Variants in DEPTOR observed in about 807,000 individuals in gnomAD.
DEPTOR encodes the protein DEP domain containing MTOR interacting protein, also known as DEP domain-containing mTOR-interacting protein.
Under a neutral mutation model 41.6 loss-of-function variants are expected in DEPTOR, and 41 were observed. That is an observed-to-expected ratio of 0.98 (90% CI 0.77 to 1.28). The LOEUF is 1.28. Among genes scored for constraint, DEPTOR ranks in the 50% most tolerant of loss-of-function variants. The probability of loss-of-function intolerance (pLI) is 0.00; values close to 1 mark genes in which losing one functional copy is unlikely to be tolerated. For synonymous variants in DEPTOR, 195 were observed against 192.3 expected (o/e 1.01, Z -0.12); for missense variants, 514 against 527.9 (o/e 0.97, Z 0.26).
rs553476173 is a variant in DEPTOR at position 119,895,552 on chromosome 8, C to T, written c.122+21584C>T. On this transcript the variant is annotated intron_variant, in intron 1 of 8. Transcript: ENST00000286234. ...TGCTGTAGTATAAGCATGAGAATGG[C>T]TGAATGGCTTTATTTCTGGAGGACA... Among the ~76,000 whole-genome samples, 4 of 152,294 alleles carry T rather than the reference C, an allele frequency of 2.6e-5. No homozygotes were observed. In the South Asian group the frequency reaches 8.3e-4, roughly 32 times the overall value.
chr8:119,912,114 T>C (rs544771425), intron 1 of DEPTOR, among the ~76,000 whole-genome samples: 2 of 152,134 alleles, frequency 1.3e-5, no homozygotes, highest in African/African-American at 4.8e-5. Flanking sequence ...GAACACATCA[T>C]GGAAGAAGGC....
intron 3 of DEPTOR, among the ~76,000 whole-genome samples, chr8:119,946,231 AAG>A (rs1828273107): frequency 1.3e-5 from 2 of 152,282 alleles, no homozygotes; most frequent in East Asian, 3.9e-4. Context: ...CCCCTAACAA[AAG>A]AGTGTTTCAG....
intron 3 of DEPTOR, among the ~76,000 whole-genome samples, chr8:119,955,118 A>G (rs57317065): frequency 0.098 from 14,978 of 152,144 alleles, 776 homozygotes; most frequent in South Asian, 0.22. Context: ...TCGGCCTCCC[A>G]AAGTGCTGGG....
intron 1 of DEPTOR, among the ~76,000 whole-genome samples, chr8:119,927,930 A>G (rs986008900): frequency 1.3e-5 from 2 of 152,120 alleles, no homozygotes; most frequent in Non-Finnish European, 2.9e-5. Flanking sequence ...GCCTAGAAGT[A>G]CCTAACAGGC....
intron 1 of DEPTOR, among the ~76,000 whole-genome samples, chr8:119,905,955 G>GTTAT (rs1453434228): frequency 6.6e-6 from 1 of 152,034 alleles, no homozygotes; most frequent in African/African-American, 2.4e-5. Context: ...TTTTTAAAAT[G>GTTAT]TTATTTATTT....
chr8:119,964,313 G>A (rs373469840), intron 3 of DEPTOR, among the ~76,000 whole-genome samples: 9 of 152,096 alleles, frequency 5.9e-5, no homozygotes, highest in African/African-American at 1.7e-4. Flanking sequence ...TCAGGAGTTC[G>A]AGACCAGCCT....
At chr8:120,043,051 A>T (rs1813102132) in intron 8 of DEPTOR, among the ~76,000 whole-genome samples, 1 of 150,374 alleles carries the variant, frequency 6.7e-6, no homozygotes. Context: ...GGGTTTCACC[A>T]TGTTGGCCAG....
intron 8 of DEPTOR, among the ~76,000 whole-genome samples, chr8:120,022,010 C>T (rs1302869558): frequency 1.3e-5 from 2 of 151,910 alleles, no homozygotes; most frequent in East Asian, 1.9e-4. Context: ...CTTGGTGGCA[C>T]GTAGTCAGCC....
chr8:119,957,302 G>A (rs1481636066), intron 3 of DEPTOR, among the ~76,000 whole-genome samples: 1 of 152,184 alleles, frequency 6.6e-6, no homozygotes, highest in Non-Finnish European at 1.5e-5. Flanking sequence ...GGAAAAAACT[G>A]TGAACCACAT....
At chr8:119,994,907 ACT>A (rs1280550380) in intron 4 of DEPTOR, among the ~76,000 whole-genome samples, 1 of 147,474 alleles carries the variant, frequency 6.8e-6, no homozygotes, top group Non-Finnish European at 1.5e-5. Context: ...ACACAGTGAG[ACT>A]CTGTCTCAAA....
In DEPTOR at chr8:119,886,814, C is replaced by A. The variant is rs574881966; in HGVS notation, c.122+12846C>A. ...AAATTTATAATAGACAACTATATTT[C>A]AGCTAATTTTATGAGAATTTCTTTT... On this transcript the variant is annotated intron_variant, in intron 1 of 8. Coordinates refer to ENST00000286234, the MANE Select transcript of DEPTOR (RefSeq NM_022783.4). Among the ~76,000 whole-genome samples, 35 of 152,264 alleles carry A rather than the reference C, an allele frequency of 2.3e-4. 1 individual carries two copies. The South Asian group carries it at 6.8e-3, about 30-fold the overall frequency.
At chr8:120,032,175 C>G (rs912565132) in intron 8 of DEPTOR, among the ~76,000 whole-genome samples, 18 of 149,802 alleles carry the variant, frequency 1.2e-4, no homozygotes, top group African/African-American at 3.7e-4. Context: ...GTTACTTATA[C>G]TTTCCAAAAC....
In DEPTOR at chr8:119,936,132, G is replaced by A. The variant is rs144681342; in HGVS notation, c.425+6194G>A. On this transcript the variant is annotated intron_variant, in intron 3 of 8. Coordinates refer to ENST00000286234, the MANE Select transcript of DEPTOR (RefSeq NM_022783.4). ...GATGAAGAATTGGCTTAACAAGCCCGTATGCCATTAGATGTCTATTGAATT... is the reference window on the plus strand; with the variant it reads ...GATGAAGAATTGGCTTAACAAGCCCATATGCCATTAGATGTCTATTGAATT... Among the ~76,000 whole-genome samples, 10 of 151,696 alleles carry A rather than the reference G, an allele frequency of 6.6e-5. No homozygotes were observed. In the South Asian group the frequency reaches 8.4e-4, roughly 13 times the overall value.
In DEPTOR at chr8:120,022,297, G is replaced by C. The variant is rs150679716; in HGVS notation, c.1101+13164G>C. ...TTGACTACTACATTCGTATCAGTGG[G>C]TTCATTTTTGCTAATTGCTAAGTTT... On this transcript the variant is annotated intron_variant, in intron 8 of 8. Transcript: ENST00000286234. Among the ~76,000 whole-genome samples, 479 of 152,208 alleles carry C rather than the reference G, an allele frequency of 3.1e-3. 16 individuals carry two copies. Among genetic ancestry groups the C allele is most frequent in the Admixed American group, 0.024 (361 of 15,278 alleles).
intron 8 of DEPTOR, among the ~76,000 whole-genome samples, chr8:120,048,608 C>T (rs548787907): frequency 2.0e-5 from 3 of 152,278 alleles, no homozygotes; most frequent in Admixed American, 6.5e-5. Flanking sequence ...ATGACAACAG[C>T]GAGTGTTTAT....
At chr8:119,883,515 T>G (rs551429917) in intron 1 of DEPTOR, among the ~76,000 whole-genome samples, 1 of 150,048 alleles carries the variant, frequency 6.7e-6, no homozygotes, top group South Asian at 2.1e-4. Context: ...TGCTTTAGTA[T>G]TCCCACTTTT....
intron 3 of DEPTOR, among the ~76,000 whole-genome samples, chr8:119,946,463 C>T (rs1475962561): frequency 2.0e-5 from 3 of 150,584 alleles, no homozygotes; most frequent in African/African-American, 2.4e-5. Flanking sequence ...TCTCTGAGGC[C>T]GGGTGCAGTG....
In DEPTOR at chr8:119,989,943, A is replaced by G. The variant is rs188740056; in HGVS notation, c.605-11582A>G. Among the ~76,000 whole-genome samples the G allele has an allele frequency of 7.2e-5, 11 of 152,350 alleles. No homozygotes were observed. In the East Asian group the frequency reaches 1.5e-3, roughly 21 times the overall value. The stretch of plus-strand genomic sequence containing the variant: ...CCAATAATTTCAAAAGATCTAGAAT[A>G]GAGTTACAGATTTCTTTTGTTGAAT... On this transcript the variant is annotated intron_variant, in intron 4 of 8. Coordinates refer to ENST00000286234, the MANE Select transcript of DEPTOR (RefSeq NM_022783.4).
intron 8 of DEPTOR, among the ~76,000 whole-genome samples, chr8:120,045,256 T>C (rs1015317170): frequency 3.3e-5 from 5 of 152,328 alleles, no homozygotes; most frequent in Admixed American, 3.3e-4. Flanking sequence ...TCAGCCTTAC[T>C]TTATGAAAGA....
Sources: allele counts gnomAD v4.1 joint callset (sites outside exome capture counted in the v4.1 genomes callset), GRCh38; gene constraint gnomAD v4.1.1; transcripts MANE v1.5; gene names NCBI Gene and HGNC (gene_info 2026-07-23, HGNC 2026-07-21).